The following PRDM10 variants were observed in gnomAD, a reference collection of about 807,000 sequenced individuals.
PRDM10 encodes PR/SET domain 10.
Under a neutral mutation model 133.1 loss-of-function variants are expected in PRDM10, and 65 were observed. The observed-to-expected ratio is 0.49, with a 90% CI of 0.40 to 0.60. The LOEUF is 0.60. Among genes scored for constraint, PRDM10 ranks in the 20% least tolerant of loss-of-function variants. PRDM10 has a pLI of 0.00. For synonymous variants in PRDM10, 582 were observed against 580.4 expected (o/e 1.00, Z -0.04); for missense variants, 1,137 against 1,507.1 (o/e 0.75, Z 4.07).
intron 19 of PRDM10, 101 bp downstream of exon 19, chr11:129,910,375 C>T: frequency 6.6e-7 from 1 of 1,505,870 alleles, no homozygotes; most frequent in Non-Finnish European, 9.1e-7. Flanking sequence ...AAACAATGGC[C>T]AAGAGATACT....
intron 1 of PRDM10, among the ~76,000 whole-genome samples, chr11:129,990,211 T>C (rs1938652029): frequency 6.6e-6 from 1 of 151,928 alleles, no homozygotes; most frequent in South Asian, 2.1e-4. Context: ...CAGGCATGGG[T>C]GGCGGGTGCC....
intron 1 of PRDM10, among the ~76,000 whole-genome samples, chr11:129,971,896 G>A (rs530435646): frequency 3.8e-4 from 58 of 152,312 alleles, no homozygotes; most frequent in African/African-American, 1.3e-3. Flanking sequence ...GGCGCTCGTC[G>A]GGGAGGCTTG....
intron 20 of PRDM10, among the ~76,000 whole-genome samples, chr11:129,903,799 G>A (rs972620621): frequency 4.6e-5 from 7 of 152,074 alleles, no homozygotes; most frequent in African/African-American, 1.7e-4. Context: ...GTGGGGAGGG[G>A]GCTGTTTCTC....
chr11:129,994,659 C>CTTTT (rs143822421), intron 1 of PRDM10, among the ~76,000 whole-genome samples: 1,544 of 151,950 alleles, frequency 0.01, 32 homozygotes, highest in African/African-American at 0.035. Flanking sequence ...TTTTTTCTTT[C>CTTTT]TCTTTTTTTT....
At chr11:129,985,269 G>A (rs1420991067) in intron 1 of PRDM10, among the ~76,000 whole-genome samples, 2 of 152,162 alleles carry the variant, frequency 1.3e-5, no homozygotes, top group African/African-American at 4.8e-5. Flanking sequence ...AAGAAAGTGT[G>A]TGTGTGTGTG....
rs754481507 is a variant in PRDM10 at position 129,960,978 on chromosome 11, G to T, written c.-14C>A. The T allele has an allele frequency of 1.2e-6, 2 of 1,613,828 alleles. No homozygotes were observed. The highest frequency in any genetic ancestry group is 2.2e-5 in the South Asian group (2 of 91,064). On this transcript the variant is annotated 5_prime_UTR_variant, in exon 2 of 21. Transcript: ENST00000360871. ...TTTGGAATCCATCTTCTCCCAACTG[G>T]ACAGCTCCACGTCTGGCACACCTAG...
chr11:129,975,658 G>A (rs897779603), intron 1 of PRDM10, among the ~76,000 whole-genome samples: 3 of 152,160 alleles, frequency 2.0e-5, no homozygotes, highest in South Asian at 2.1e-4. Context: ...GGCAAACCCT[G>A]CCTCCCACTG....
At chr11:129,949,490 A>G (rs1212727629) in intron 4 of PRDM10, among the ~76,000 whole-genome samples, 2 of 152,254 alleles carry the variant, frequency 1.3e-5, no homozygotes, top group Non-Finnish European at 2.9e-5. Flanking sequence ...TAGGTGTTCA[A>G]TGAAGATTAA....
intron 11 of PRDM10, 136 bp downstream of exon 11, chr11:129,930,880 A>G (rs1473656403): frequency 1.5e-6 from 2 of 1,299,576 alleles, no homozygotes; most frequent in African/African-American, 1.5e-5. Flanking sequence ...CTTTCAAAAT[A>G]AGGGGATCGA....
intron 2 of PRDM10, among the ~76,000 whole-genome samples, chr11:129,959,171 TC>T: frequency 6.6e-6 from 1 of 152,146 alleles, no homozygotes; most frequent in Non-Finnish European, 1.5e-5. Context: ...ACTAATTTAA[TC>T]CCCAGAAGGA....
At chr11:129,994,777 G>C (rs188725950) in intron 1 of PRDM10, among the ~76,000 whole-genome samples, 1 of 151,456 alleles carries the variant, frequency 6.6e-6, no homozygotes, top group Non-Finnish European at 1.5e-5. Context: ...TCATCCTCCC[G>C]AGTAGCTGGG....
intron 1 of PRDM10, among the ~76,000 whole-genome samples, chr11:129,994,122 ATGTATAAGT>A (rs1938905494): frequency 6.6e-6 from 1 of 152,128 alleles, no homozygotes; most frequent in Non-Finnish European, 1.5e-5. Flanking sequence ...TTTGTAAATG[ATGTATAAGT>A]TTTTGGTGAG....
chr11:129,981,283 T>C (rs1938097760), intron 1 of PRDM10, among the ~76,000 whole-genome samples: 1 of 152,136 alleles, frequency 6.6e-6, no homozygotes, highest in Non-Finnish European at 1.5e-5. Context: ...ATTCTGACAG[T>C]ACAGAATTGT....
At chr11:129,950,379 T>C (rs1291015965) in intron 4 of PRDM10, among the ~76,000 whole-genome samples, 1 of 152,210 alleles carries the variant, frequency 6.6e-6, no homozygotes, top group African/African-American at 2.4e-5. Context: ...TCAAACTGCA[T>C]CCGCACACTT....
chr11:129,936,325 A>T (rs1404668011), intron 8 of PRDM10, among the ~76,000 whole-genome samples: 1 of 151,746 alleles, frequency 6.6e-6, no homozygotes, highest in Non-Finnish European at 1.5e-5. Context: ...TATAATAAAT[A>T]TAAAAGATTA....
intron 20 of PRDM10, 54 bp downstream of exon 20, chr11:129,905,584 C>T: frequency 7.7e-7 from 1 of 1,297,352 alleles, no homozygotes; most frequent in South Asian, 1.2e-5. Flanking sequence ...ATAAGAGTTA[C>T]TATACAGCAC....
intron 11 of PRDM10, 62 bp from the exon 12 acceptor site, chr11:129,925,291 C>T: frequency 1.4e-6 from 2 of 1,427,300 alleles, no homozygotes; most frequent in Non-Finnish European, 1.9e-6. Flanking sequence ...CTGGATCACA[C>T]TTTTACAGAG....
chr11:129,933,036 A>T (rs1445825915), intron 9 of PRDM10, among the ~76,000 whole-genome samples: 1 of 152,268 alleles, frequency 6.6e-6, no homozygotes, highest in African/African-American at 2.4e-5. Context: ...CGGGGATTAC[A>T]GGCATGAGCC....
chr11:129,934,323 G>A (rs548157903), intron 9 of PRDM10, among the ~76,000 whole-genome samples: 12 of 152,184 alleles, frequency 7.9e-5, no homozygotes, highest in Admixed American at 1.3e-4. Context: ...TAGAACATTC[G>A]CTTTCCCACT....
Sources: gnomAD v4.1 joint callset for allele counts (sites outside exome capture counted in the v4.1 genomes callset) on GRCh38, gnomAD v4.1.1 for gene constraint, MANE v1.5 for transcripts, NCBI Gene and HGNC (gene_info 2026-07-23, HGNC 2026-07-21) for gene names.